The following MAN1A1 variants were observed in gnomAD, a reference collection of about 807,000 sequenced individuals.
The protein encoded by MAN1A1 is mannosyl-oligosaccharide 1,2-alpha-mannosidase IA.
Under a neutral mutation model 70.8 loss-of-function variants are expected in MAN1A1, and 29 were observed. The observed-to-expected ratio is 0.41, with a 90% confidence interval of 0.31 to 0.56. The LOEUF (loss-of-function observed/expected upper bound fraction) is 0.56, where lower values mean the gene tolerates loss of function less well. Among genes scored for constraint, MAN1A1 ranks in the 20% least tolerant of loss-of-function variants. The pLI, the probability that MAN1A1 is intolerant of heterozygous loss-of-function variation, is 0.29. For synonymous variants in MAN1A1, 349 were observed against 330.1 expected, an observed-to-expected ratio of 1.06 and a Z score of -0.62; for missense variants, 747 against 841.3, an observed-to-expected ratio of 0.89 and a Z score of 1.39.
At chr6:119,286,338 T>C (rs550811483) in intron 5 of MAN1A1, among the ~76,000 whole-genome samples, 1 of 152,284 alleles carries the variant, frequency 6.6e-6, no homozygotes, top group South Asian at 2.1e-4. Flanking sequence ...TTAACCCTAT[T>C]ATGAAAAAAC....
In MAN1A1 at chr6:119,290,730, G is replaced by A; in HGVS notation, c.850C>T (p.Arg284Cys). 9 of 1,610,054 alleles carry A rather than the reference G, an allele frequency of 5.6e-6. No individual in the cohort carries two copies. The highest frequency in any genetic ancestry group is 7.6e-6 in the Non-Finnish European group (9 of 1,177,662). ...GCTGAGAGTAGTCCACCAACAAAGC[G>A]TATATTTACTTCAAAGACAGAAATT... is the stretch of plus-strand genomic sequence containing the variant. ...AEISVFEVNI[R>C]FVGGLLSAYY... The change falls in exon 5 of 13, where the codon CGC becomes TGC. Residue 284 changes from arginine (R) to cysteine (C), a missense_variant. Physicochemically the swap from Arg to Cys is radical, Grantham distance 180. Around this residue, in one of 2 missense-constraint regions of MAN1A1, gnomAD observed 419 missense variants for 548.2 expected, o/e 0.76. Coordinates refer to ENST00000368468, the MANE Select transcript of MAN1A1 (RefSeq NM_005907.4).
At chr6:119,290,549 G>A (rs560024406) in intron 5 of MAN1A1, 134 bp downstream of exon 5, 1 of 616,370 alleles carries the variant, frequency 1.6e-6, no homozygotes, top group South Asian at 2.2e-5. Context: ...GAAACTCAGT[G>A]TAAGCTACAG....
intron 5 of MAN1A1, among the ~76,000 whole-genome samples, chr6:119,255,972 T>C (rs980818017): frequency 6.6e-6 from 1 of 152,216 alleles, no homozygotes; most frequent in Admixed American, 6.5e-5. Context: ...ACTTTGTTTT[T>C]CTCCCCTGTG....
intron 5 of MAN1A1, among the ~76,000 whole-genome samples, chr6:119,255,774 C>CT (rs1355610385): frequency 2.0e-5 from 3 of 152,170 alleles, no homozygotes; most frequent in Non-Finnish European, 4.4e-5. Context: ...CAGAGGGACT[C>CT]TCCCCTGTGG....
Position 119,194,097 on chromosome 6 carries a change from A to T in MAN1A1, c.1211-205T>A, listed in dbSNP as rs115946716. 2.8e-3 allele frequency among the ~76,000 whole-genome samples: 424 copies of T among 152,318 alleles called. 4 individuals are homozygous for T. Among genetic ancestry groups the T allele is most frequent in the African/African-American group, 9.4e-3 (391 of 41,574 alleles). On this transcript the variant is annotated intron_variant, in intron 8 of 12. Transcript: ENST00000368468. Reference sequence around the variant, plus strand: ...CTAATGTAACATACTCTAAATAATTACCAGAGTAGTTTTGTAAACATGGAA... The same window carrying T: ...CTAATGTAACATACTCTAAATAATTTCCAGAGTAGTTTTGTAAACATGGAA...
At chr6:119,253,884 C>T (rs1775390926) in intron 5 of MAN1A1, among the ~76,000 whole-genome samples, 1 of 152,138 alleles carries the variant, frequency 6.6e-6, no homozygotes, top group African/African-American at 2.4e-5. Flanking sequence ...GAGTCTCAAC[C>T]TTTGGCACAA....
chr6:119,255,915 A>ATT (rs199723905), intron 5 of MAN1A1, among the ~76,000 whole-genome samples: 8 of 151,564 alleles, frequency 5.3e-5, no homozygotes, highest in African/African-American at 2.0e-4. Context: ...TACAAACTTC[A>ATT]TTTTTTAAAA....
At chr6:119,277,166 C>A (rs778070149) in intron 5 of MAN1A1, among the ~76,000 whole-genome samples, 1 of 152,130 alleles carries the variant, frequency 6.6e-6, no homozygotes, top group African/African-American at 2.4e-5. Flanking sequence ...AGCTAAATTA[C>A]AAGACTGGAG....
intron 5 of MAN1A1, among the ~76,000 whole-genome samples, chr6:119,265,941 T>C (rs147286345): frequency 8.5e-5 from 13 of 152,286 alleles, no homozygotes; most frequent in Admixed American, 8.5e-4. Flanking sequence ...AAGGTTAATA[T>C]AGAAAATCAA....
At chr6:119,222,055 T>C (rs777269615) in intron 6 of MAN1A1, among the ~76,000 whole-genome samples, 2 of 152,256 alleles carry the variant, frequency 1.3e-5, no homozygotes, top group Admixed American at 1.3e-4. Flanking sequence ...CAATACCATA[T>C]GGCAACAAAG....
intron 4 of MAN1A1, among the ~76,000 whole-genome samples, chr6:119,294,887 C>G (rs184902481): frequency 3.3e-5 from 5 of 152,186 alleles, no homozygotes; most frequent in Admixed American, 3.3e-4. Flanking sequence ...TGCCTCAGTA[C>G]TAATCTCTAT....
Position 119,349,032 on chromosome 6 carries a change from T to G in MAN1A1, c.34A>C (p.Ser12Arg). 7.4e-7 allele frequency: 1 copy of G among 1,345,888 alleles called. No homozygotes were observed. Among genetic ancestry groups the G allele is most frequent in the Non-Finnish European group, 9.6e-7 (1 of 1,045,402 alleles). The allele number at this position is 1,345,888 out of a possible 1,614,324, so 83.4% of individuals were successfully genotyped here. ...PVGGLLPLFSSPAGGVLGGGL... is the reference protein window; with the variant it reads ...PVGGLLPLFSRPAGGVLGGGL... Reference sequence around the variant, plus strand: ...CCGCCCAGGACGCCGCCCGCGGGGCTGCTGAAGAGCGGCAACAGGCCCCCC... The same window carrying G: ...CCGCCCAGGACGCCGCCCGCGGGGCGGCTGAAGAGCGGCAACAGGCCCCCC... The change falls in exon 2 of 13, where the codon AGC becomes CGC. Residue 12 changes from serine (S) to arginine (R), a missense_variant. This residue lies in a region of MAN1A1 where 328 missense variants were observed against 293.1 expected (regional missense o/e 1.12). Transcript: ENST00000368468.
intron 2 of MAN1A1, among the ~76,000 whole-genome samples, chr6:119,326,357 C>G (rs988459417): frequency 2.6e-5 from 4 of 152,230 alleles, no homozygotes; most frequent in African/African-American, 9.6e-5. Flanking sequence ...GCACGAGCAC[C>G]TGTATAGCGT....
At chr6:119,256,560 T>C (rs1228444253) in intron 5 of MAN1A1, among the ~76,000 whole-genome samples, 1 of 152,178 alleles carries the variant, frequency 6.6e-6, no homozygotes, top group Non-Finnish European at 1.5e-5. Context: ...ATATCACCAC[T>C]GTCCACGTGA....
chr6:119,271,081 C>G (rs1165564334), intron 5 of MAN1A1, among the ~76,000 whole-genome samples: 1 of 152,134 alleles, frequency 6.6e-6, no homozygotes, highest in Non-Finnish European at 1.5e-5. Context: ...ATATACATAT[C>G]TGGACTACCT....
chr6:119,210,415 A>C (rs72956777), intron 6 of MAN1A1, among the ~76,000 whole-genome samples: 15,607 of 152,168 alleles, frequency 0.1, 982 homozygotes, highest in Non-Finnish European at 0.14. Context: ...ATGGGCATGC[A>C]TATACACCAC....
intron 6 of MAN1A1, among the ~76,000 whole-genome samples, chr6:119,242,343 A>C (rs1326143466): frequency 6.6e-6 from 1 of 152,152 alleles, no homozygotes; most frequent in Non-Finnish European, 1.5e-5. Flanking sequence ...TGGATCCCAA[A>C]TAATTTAAAA....
At chr6:119,281,085 C>CAGT (rs994907807) in intron 5 of MAN1A1, among the ~76,000 whole-genome samples, 13 of 152,330 alleles carry the variant, frequency 8.5e-5, no homozygotes, top group African/African-American at 2.9e-4. Flanking sequence ...GAGAAGCCTA[C>CAGT]AGAGTAGAAG....
At chr6:119,291,647 T>C (rs1772023987) in intron 4 of MAN1A1, among the ~76,000 whole-genome samples, 1 of 151,976 alleles carries the variant, frequency 6.6e-6, no homozygotes, top group African/African-American at 2.4e-5. Flanking sequence ...AATCTTTTCA[T>C]CATGATGCAC....
Sources: gnomAD v4.1 joint callset for allele counts (sites outside exome capture counted in the v4.1 genomes callset) on GRCh38, gnomAD v4.1.1 for gene constraint, gnomAD v4.1.1 regional missense constraint, MANE v1.5 for transcripts, NCBI Gene and HGNC (gene_info 2026-07-23, HGNC 2026-07-21) for gene names.